The following RPA1 variants were observed in gnomAD, a reference collection of about 807,000 sequenced individuals.
RPA1 encodes the protein replication protein A 70 kDa DNA-binding subunit.
In RPA1, 49 loss-of-function variants were observed where a neutral mutation model predicts 83.0. The ratio of observed to expected loss-of-function variants is 0.59; its 90% confidence interval spans 0.47 to 0.75. The LOEUF (loss-of-function observed/expected upper bound fraction) is 0.75. RPA1 is among the 30% of genes least tolerant of loss of function. The pLI is 0.00. For synonymous variants in RPA1, 279 were observed against 281.8 expected (o/e 0.99, Z 0.10); for missense variants, 693 against 776.1 (o/e 0.89, Z 1.27).
At chr17:1,893,961 G>C (rs570483805) in intron 15 of RPA1, among the ~76,000 whole-genome samples, 7 of 151,526 alleles carry the variant, frequency 4.6e-5, no homozygotes, top group Admixed American at 2.6e-4. Flanking sequence ...CTTGGGCTCA[G>C]ACAGTCCTGC....
At chr17:1,874,874 T>G (rs1473679265) in intron 6 of RPA1, among the ~76,000 whole-genome samples, 1 of 152,240 alleles carries the variant, frequency 6.6e-6, no homozygotes, top group East Asian at 1.9e-4. Context: ...TGTATTGATA[T>G]TTTTAGCCAA....
At chr17:1,894,120 C>T (rs1425186189) in intron 15 of RPA1, among the ~76,000 whole-genome samples, 2 of 150,906 alleles carry the variant, frequency 1.3e-5, no homozygotes, top group South Asian at 2.1e-4. Flanking sequence ...CCTCCCACCT[C>T]GGTCTCCCAA....
rs371806240 is a variant in RPA1 at position 1,831,984 on chromosome 17, G to A, written c.33+1858G>A. On this transcript the variant is annotated intron_variant, in intron 1 of 16. Transcript: ENST00000254719. ...CCACTACCGCCCCAGGCTGGAGTGC[G>A]GTGGCGCAATCTCGGCTCACTGCAA... Among the ~76,000 whole-genome samples, 112 of 130,786 alleles carry A rather than the reference G, an allele frequency of 8.6e-4. 2 individuals carry two copies. Among genetic ancestry groups the A allele is most frequent in the African/African-American group, 3.0e-3 (103 of 34,060 alleles). 85.8% of individuals were successfully genotyped at this position (130,786 alleles called of 152,430 possible).
At chr17:1,862,704 T>A (rs1195828292) in intron 5 of RPA1, among the ~76,000 whole-genome samples, 2 of 124,894 alleles carry the variant, frequency 1.6e-5, no homozygotes, top group Non-Finnish European at 3.3e-5. Flanking sequence ...TTGGCGTGAG[T>A]CACTGTGCCC....
At chr17:1,889,980 A>G (rs1914145922) in intron 14 of RPA1, among the ~76,000 whole-genome samples, 1 of 152,116 alleles carries the variant, frequency 6.6e-6, no homozygotes. Context: ...AGCCCGGGCG[A>G]CAAGAGCAAA....
intron 1 of RPA1, among the ~76,000 whole-genome samples, chr17:1,839,338 T>A (rs910270590): frequency 2.0e-5 from 3 of 151,404 alleles, no homozygotes; most frequent in Admixed American, 6.6e-5. Context: ...TATTTTTTAT[T>A]TTTTTTGAGA....
intron 14 of RPA1, among the ~76,000 whole-genome samples, chr17:1,890,980 G>A (rs1463050095): frequency 6.6e-6 from 1 of 152,190 alleles, no homozygotes; most frequent in African/African-American, 2.4e-5. Flanking sequence ...TGATACCGTT[G>A]CTGTGTATTG....
chr17:1,844,114 G>A (rs958087759), intron 3 of RPA1, 116 bp downstream of exon 3: 10 of 776,964 alleles, frequency 1.3e-5, no homozygotes, highest in East Asian at 2.7e-5. Flanking sequence ...GCTTGGCTAC[G>A]TACTTCATTC....
intron 1 of RPA1, among the ~76,000 whole-genome samples, chr17:1,841,004 T>G (rs1181856662): frequency 6.6e-6 from 1 of 151,956 alleles, no homozygotes; most frequent in East Asian, 1.9e-4. Flanking sequence ...GCATTAGAGG[T>G]TGCAGTGAGC....
At position 1,838,603 on chromosome 17, in the gene RPA1, C is replaced by CAA. The variant is rs60835355; in HGVS notation, c.34-4183_34-4182dup. 9.0e-5 allele frequency among the ~76,000 whole-genome samples: 10 copies of CAA among 110,772 alleles called. 1 individual carries two copies. The Middle Eastern group carries it at 0.025, about 274-fold the overall frequency. 72.7% of individuals were successfully genotyped at this position (110,772 alleles called of 152,430 possible). On this transcript the variant is annotated intron_variant, in intron 1 of 16. Coordinates refer to ENST00000254719, the MANE Select transcript of RPA1 (RefSeq NM_002945.5). ...GGGCAACAAGAGTGAAACTCAGTCT[C>CAA]AAAAAAAAAAAAAAAAAAGAAATCT...
chr17:1,842,599 A>G (rs1214665985), intron 1 of RPA1, among the ~76,000 whole-genome samples: 2 of 152,190 alleles, frequency 1.3e-5, no homozygotes, highest in Non-Finnish European at 2.9e-5. Context: ...GAGATGTGCT[A>G]AGTGTTTCCT....
intron 1 of RPA1, among the ~76,000 whole-genome samples, chr17:1,833,778 C>T (rs560708785): frequency 7.9e-5 from 12 of 151,960 alleles, no homozygotes; most frequent in East Asian, 1.9e-4. Context: ...CTCTTGAACC[C>T]GGGAGATAGA....
chr17:1,872,708 CTTT>C (rs34892322), intron 6 of RPA1, among the ~76,000 whole-genome samples, 182 bp downstream of exon 6: 112 of 113,018 alleles, frequency 9.9e-4, no homozygotes, highest in African/African-American at 2.2e-3. Flanking sequence ...TAAAGATTGT[CTTT>C]TTTTTTTTTT....
chr17:1,873,704 G>C (rs1027872658), intron 6 of RPA1, among the ~76,000 whole-genome samples: 5 of 151,924 alleles, frequency 3.3e-5, no homozygotes, highest in African/African-American at 7.3e-5. Context: ...ATTACATGCT[G>C]TTGGCCAGGC....
Position 1,897,279 on chromosome 17 carries a change from C to G in RPA1, c.*104C>G. 1 of 866,446 alleles carries G rather than the reference C, an allele frequency of 1.2e-6. No individual in the cohort carries two copies. Among genetic ancestry groups the G allele is most frequent in the Non-Finnish European group, 1.8e-6 (1 of 561,780 alleles). 53.7% of individuals were successfully genotyped at this position (866,446 alleles called of 1,614,324 possible). On this transcript the variant is annotated 3_prime_UTR_variant, in exon 17 of 17. Transcript: ENST00000254719. ...CCATGTTAGCTACACAGTGCAGAGG[C>G]TCTTGATGGTGGACTAAGCAATTTC...
intron 5 of RPA1, among the ~76,000 whole-genome samples, chr17:1,871,406 A>G (rs767621280): frequency 3.9e-5 from 6 of 152,162 alleles, no homozygotes; most frequent in Non-Finnish European, 7.3e-5. Flanking sequence ...ACCTTGGAAA[A>G]CGCAGCAGGA....
At chr17:1,896,046 T>G (rs1232135652) in intron 16 of RPA1, among the ~76,000 whole-genome samples, 2 of 152,150 alleles carry the variant, frequency 1.3e-5, no homozygotes, top group African/African-American at 4.8e-5. Flanking sequence ...CTACATCCTT[T>G]ACGTGGAACA....
intron 9 of RPA1, 56 bp from the exon 10 acceptor site, chr17:1,879,159 G>A: frequency 6.2e-7 from 1 of 1,609,200 alleles, no homozygotes; most frequent in South Asian, 1.1e-5. Context: ...GCAGACTAGG[G>A]GTTTCTGTCC....
In RPA1 at chr17:1,898,074, CT is replaced by C. The variant is rs1413659349; in HGVS notation, c.*900del. 6.6e-6 allele frequency: 1 copy of C among 152,082 alleles called. No individual in the cohort carries two copies. Among genetic ancestry groups the C allele is most frequent in the Non-Finnish European group, 1.5e-5 (1 of 68,002 alleles). The allele number at this position is 152,082 out of a possible 1,614,324, so 9.4% of individuals were successfully genotyped here. Reference sequence around the variant, plus strand: ...ACAGTATATTCTTTGGTTGTGAATCCTACTTTCTTTGAATGCAAAGAGTTCC... The same window carrying C: ...ACAGTATATTCTTTGGTTGTGAATCCACTTTCTTTGAATGCAAAGAGTTCC... On this transcript the variant is annotated 3_prime_UTR_variant, in exon 17 of 17. Coordinates refer to ENST00000254719, the MANE Select transcript of RPA1 (RefSeq NM_002945.5).
Sources: gnomAD v4.1 joint callset for allele counts (sites outside exome capture counted in the v4.1 genomes callset) on GRCh38, gnomAD v4.1.1 for gene constraint, MANE v1.5 for transcripts, NCBI Gene and HGNC (gene_info 2026-07-23, HGNC 2026-07-21) for gene names.